The following CCDC150 variants were observed in gnomAD, a reference collection of about 807,000 sequenced individuals.
CCDC150 encodes the protein coiled-coil domain-containing protein 150.
A neutral mutation model predicts 156.5 loss-of-function variants in CCDC150; 151 were observed. That is an observed-to-expected ratio of 0.97 (90% CI 0.85 to 1.10). The LOEUF (loss-of-function observed/expected upper bound fraction) is 1.10, where lower values mean the gene tolerates loss of function less well. Ranked by LOEUF, CCDC150 falls within the 50% of genes least tolerant of loss-of-function variation. The probability of loss-of-function intolerance (pLI) is 0.00; values close to 1 mark genes in which losing one functional copy is unlikely to be tolerated. For synonymous variants in CCDC150, 452 were observed against 429.4 expected, an observed-to-expected ratio of 1.05 and a Z score of -0.65; for missense variants, 1,312 against 1,268.1, an observed-to-expected ratio of 1.03 and a Z score of -0.53.
chr2:196,717,934 A>G (rs1697638000), intron 17 of CCDC150, among the ~76,000 whole-genome samples: 1 of 152,068 alleles, frequency 6.6e-6, no homozygotes, highest in Non-Finnish European at 1.5e-5. Flanking sequence ...ACTCTGCACT[A>G]TTTTTGCAAC....
At chr2:196,643,289 A>T (rs1442339162) in intron 1 of CCDC150, among the ~76,000 whole-genome samples, 1 of 152,174 alleles carries the variant, frequency 6.6e-6, no homozygotes, top group Non-Finnish European at 1.5e-5. Context: ...GGCTGGGCCA[A>T]GTTGGTTGCT....
Position 196,730,104 on chromosome 2 carries a change from G to C in CCDC150, c.2968G>C (p.Glu990Gln). 6 of 1,605,788 alleles carry C rather than the reference G, an allele frequency of 3.7e-6. No individual in the cohort carries two copies. Among genetic ancestry groups the C allele is most frequent in the Non-Finnish European group, 5.1e-6 (6 of 1,176,920 alleles). The change falls in exon 25 of 28, where the codon GAG becomes CAG. Residue 990 changes from glutamate to glutamine, a missense_variant. Glu to Gln is a conservative substitution (Grantham distance 29, BLOSUM62 2). Coordinates refer to ENST00000389175, the MANE Select transcript of CCDC150 (RefSeq NM_001080539.2). ...EAERKIRQEL[E>Q]NRCQELEETV... ...AGAGCGGAAAATAAGGCAGGAGCTA[G>C]AGAATCGGTGCCAGGTAAAAGGTTT...
chr2:196,702,436 C>T (rs1172508701), intron 15 of CCDC150, among the ~76,000 whole-genome samples: 1 of 150,980 alleles, frequency 6.6e-6, no homozygotes, highest in African/African-American at 2.4e-5. Flanking sequence ...TCTGGGCTTG[C>T]TGCAGCCTCT....
Position 196,683,998 on chromosome 2 carries a change from G to A in CCDC150, c.1509+6637G>A, listed in dbSNP as rs145949912. ...AGATTTTTCTCTATCTTATTTCTGC[G>A]TTAATCTTGTTACCTTCTTTATGTT... On this transcript the variant is annotated intron_variant, in intron 13 of 27. Coordinates refer to ENST00000389175, the MANE Select transcript of CCDC150 (RefSeq NM_001080539.2). 5.1e-3 allele frequency among the ~76,000 whole-genome samples: 774 copies of A among 151,860 alleles called. 4 individuals carry two copies. Among genetic ancestry groups the A allele is most frequent in the African/African-American group, 0.018 (741 of 41,472 alleles).
chr2:196,678,152 T>C (rs1348030863), intron 13 of CCDC150, among the ~76,000 whole-genome samples: 1 of 152,190 alleles, frequency 6.6e-6, no homozygotes, highest in Non-Finnish European at 1.5e-5. Context: ...CTTTAAAACA[T>C]TGCTGTTTGC....
chr2:196,653,910 G>A (rs558261693), intron 2 of CCDC150, among the ~76,000 whole-genome samples: 25 of 152,288 alleles, frequency 1.6e-4, no homozygotes, highest in African/African-American at 6.0e-4. Context: ...CACCAGCATC[G>A]GTTTACCTTC....
In CCDC150 at chr2:196,668,602, A is replaced by G. The variant is rs963243353; in HGVS notation, c.893-1231A>G. Among the ~76,000 whole-genome samples, 8 of 152,198 alleles carry G rather than the reference A, an allele frequency of 5.3e-5. No homozygotes were observed. In the East Asian group the frequency reaches 1.5e-3, roughly 29 times the overall value. ...GAATTATAGACTTGACATATATGCA[A>G]TTTTATTACTTTAAGGTACAAGTAG... On this transcript the variant is annotated intron_variant, in intron 7 of 27. Coordinates refer to ENST00000389175, the MANE Select transcript of CCDC150 (RefSeq NM_001080539.2).
intron 1 of CCDC150, among the ~76,000 whole-genome samples, chr2:196,641,134 T>TTTTTTA (rs1410102577): frequency 1.5e-5 from 2 of 133,236 alleles, no homozygotes; most frequent in African/African-American, 5.7e-5. Context: ...GGCTAATTTT[T>TTTTTTA]TTTTTATTTT....
intron 10 of CCDC150, among the ~76,000 whole-genome samples, chr2:196,675,805 C>T (rs989040695): frequency 6.6e-6 from 1 of 151,856 alleles, no homozygotes; most frequent in Non-Finnish European, 1.5e-5. Context: ...AATAAAGTAC[C>T]ATATTGAAAT....
chr2:196,649,672 AT>A (rs1163032246), intron 2 of CCDC150, among the ~76,000 whole-genome samples: 1 of 152,042 alleles, frequency 6.6e-6, no homozygotes, highest in Admixed American at 6.5e-5. Context: ...GTCATCCTCA[AT>A]TTGTTTCATC....
chr2:196,682,810 A>G (rs74472006), intron 13 of CCDC150, among the ~76,000 whole-genome samples: 3,597 of 152,224 alleles, frequency 0.024, 67 homozygotes, highest in Non-Finnish European at 0.037. Context: ...ACTGTATAAG[A>G]TAGTGTCATC....
chr2:196,707,058 A>G (rs1041090252), intron 15 of CCDC150, among the ~76,000 whole-genome samples: 11 of 152,018 alleles, frequency 7.2e-5, no homozygotes, highest in African/African-American at 2.7e-4. Flanking sequence ...CTCTTTTTCT[A>G]TTGATTGGGA....
intron 17 of CCDC150, among the ~76,000 whole-genome samples, chr2:196,714,841 A>AATATC (rs930104015): frequency 6.6e-6 from 1 of 152,190 alleles, no homozygotes; most frequent in African/African-American, 2.4e-5. Context: ...AAACTGGTAG[A>AATATC]ATTTTTAAAA....
chr2:196,689,268 C>A (rs1695297800), intron 13 of CCDC150, among the ~76,000 whole-genome samples: 1 of 152,020 alleles, frequency 6.6e-6, no homozygotes, highest in Admixed American at 6.5e-5. Context: ...GTAGTTTTTT[C>A]CAATTCTGTG....
At chr2:196,645,469 G>A (rs191895852) in intron 1 of CCDC150, among the ~76,000 whole-genome samples, 2 of 152,290 alleles carry the variant, frequency 1.3e-5, no homozygotes, top group Admixed American at 6.5e-5. Context: ...GAACACTATC[G>A]CTAGAAATGG....
chr2:196,660,594 C>A (rs1389358536), intron 5 of CCDC150, among the ~76,000 whole-genome samples: 2 of 152,152 alleles, frequency 1.3e-5, no homozygotes, highest in Admixed American at 1.3e-4. Flanking sequence ...GTTTATTTGC[C>A]ATCTGTATAT....
chr2:196,662,839 G>C (rs1693632927), intron 5 of CCDC150, among the ~76,000 whole-genome samples: 1 of 152,204 alleles, frequency 6.6e-6, no homozygotes, highest in South Asian at 2.1e-4. Flanking sequence ...AGGAGGCTGA[G>C]GTGGGAGGAT....
At chr2:196,717,290 A>G (rs1296250359) in intron 17 of CCDC150, among the ~76,000 whole-genome samples, 1 of 152,208 alleles carries the variant, frequency 6.6e-6, no homozygotes, top group Non-Finnish European at 1.5e-5. Context: ...GCCAGAGGAC[A>G]GGATGAGTTT....
intron 1 of CCDC150, among the ~76,000 whole-genome samples, chr2:196,643,783 C>T (rs1453011822): frequency 6.6e-6 from 1 of 152,202 alleles, no homozygotes; most frequent in Non-Finnish European, 1.5e-5. Flanking sequence ...TTCCCCTCTC[C>T]AGCACTGCTT....
Sources: allele counts gnomAD v4.1 joint callset (sites outside exome capture counted in the v4.1 genomes callset), GRCh38; gene constraint gnomAD v4.1.1; transcripts MANE v1.5; gene names NCBI Gene and HGNC (gene_info 2026-07-23, HGNC 2026-07-21).